Variants in SLC2A14 observed in about 807,000 individuals in gnomAD.
The protein encoded by SLC2A14 is solute carrier family 2 member 14, also known as solute carrier family 2, facilitated glucose transporter member 14.
Under a neutral mutation model 43.0 loss-of-function variants are expected in SLC2A14, and 13 were observed. The ratio of observed to expected loss-of-function variants is 0.30; its 90% CI spans 0.20 to 0.48. The LOEUF (loss-of-function observed/expected upper bound fraction) is 0.48. Among genes scored for constraint, SLC2A14 ranks in the 20% least tolerant of loss-of-function variants. The probability of loss-of-function intolerance (pLI) is 0.99; values close to 1 mark genes in which losing one functional copy is unlikely to be tolerated. For synonymous variants in SLC2A14, 190 were observed against 233.8 expected, an observed-to-expected ratio of 0.81 and a Z score of 1.71; for missense variants, 428 against 620.4, an observed-to-expected ratio of 0.69 and a Z score of 3.29.
intron 1 of SLC2A14, 195 bp downstream of exon 1, chr12:7,872,612 A>G: frequency 3.2e-6 from 1 of 313,002 alleles, no homozygotes; most frequent in Non-Finnish European, 4.7e-6. Flanking sequence ...CCCAGGACAT[A>G]GTAGGTGCTC....
chr12:7,882,712 C>T (rs972352081), intron 1 of SLC2A14, among the ~76,000 whole-genome samples: 9 of 151,934 alleles, frequency 5.9e-5, no homozygotes, highest in African/African-American at 7.3e-5. Flanking sequence ...TGGCGCACGC[C>T]TGTAATCCCA....
chr12:7,830,292 C>T (rs1363183841), intron 4 of SLC2A14, among the ~76,000 whole-genome samples: 4 of 151,996 alleles, frequency 2.6e-5, no homozygotes, highest in Non-Finnish European at 5.9e-5. Flanking sequence ...GCTGGGATAA[C>T]AGGCGCCTGC....
chr12:7,855,122 A>G (rs1435701057), intron 2 of SLC2A14, among the ~76,000 whole-genome samples: 1 of 151,824 alleles, frequency 6.6e-6, no homozygotes, highest in Non-Finnish European at 1.5e-5. Flanking sequence ...ATCGCACTTT[A>G]TATATAGCTT....
intron 4 of SLC2A14, 22 bp from the exon 5 acceptor site, chr12:7,830,028 A>T (rs1174362493): frequency 3.1e-6 from 5 of 1,613,244 alleles, no homozygotes; most frequent in Non-Finnish European, 4.2e-6. Flanking sequence ...ATCAAAGACA[A>T]CATGGAATTA....
intron 2 of SLC2A14, among the ~76,000 whole-genome samples, chr12:7,845,778 C>CAAAAA (rs35933580): frequency 9.6e-6 from 1 of 104,144 alleles, no homozygotes; most frequent in Non-Finnish European, 1.8e-5. Flanking sequence ...GACTCCATCT[C>CAAAAA]AAAAAAAAAA....
intron 4 of SLC2A14, among the ~76,000 whole-genome samples, chr12:7,830,476 G>T (rs997730910): frequency 2.0e-5 from 3 of 151,980 alleles, no homozygotes; most frequent in Non-Finnish European, 4.4e-5. Flanking sequence ...TTATCAGAAC[G>T]TTTCTAGTTG....
chr12:7,820,915 C>T (rs936743977), intron 8 of SLC2A14, among the ~76,000 whole-genome samples: 8 of 151,544 alleles, frequency 5.3e-5, no homozygotes, highest in African/African-American at 7.3e-5. Context: ...GGCGAAACCC[C>T]GTCTCTACTA....
intron 1 of SLC2A14, among the ~76,000 whole-genome samples, chr12:7,883,590 CTTTTTT>C (rs1204450230): frequency 0.11 from 10,841 of 94,500 alleles, 363 homozygotes; most frequent in East Asian, 0.17. Flanking sequence ...TTTTTCTTTT[CTTTTTT>C]TTTTTTTTTT....
rs568044260 is a variant in SLC2A14 at position 7,855,860 on chromosome 12, C to T, written c.18+14003G>A. On this transcript the variant is annotated intron_variant, in intron 2 of 10. Coordinates refer to ENST00000431042, the MANE Select transcript of SLC2A14 (RefSeq NM_001286234.2). ...CCATGTTAGCCAGGATGGTCTTGAT[C>T]TCCTGACCTCGTGATCTGCCCGCCT... Among the ~76,000 whole-genome samples, 248 of 152,086 alleles carry T rather than the reference C, an allele frequency of 1.6e-3. 1 individual carries two copies. The highest frequency in any genetic ancestry group is 2.5e-3 in the Non-Finnish European group (173 of 67,978).
chr12:7,880,167 G>A (rs1460732283), intron 1 of SLC2A14, among the ~76,000 whole-genome samples: 1 of 151,816 alleles, frequency 6.6e-6, no homozygotes, highest in African/African-American at 2.4e-5. Flanking sequence ...CAGGTGTAGT[G>A]GAGCGTGCCT....
intron 7 of SLC2A14, among the ~76,000 whole-genome samples, chr12:7,826,854 C>CTTCCTTCCTTCCTTCCTTCCT (rs1555121685): frequency 2.4e-4 from 2 of 8,234 alleles, no homozygotes; most frequent in Non-Finnish European, 9.5e-4. Flanking sequence ...TCCTTCCTTC[C>CTTCCTTCCTTCCTTCCTTCCT]TTTCTTTTTT....
chr12:7,861,037 C>T (rs1340322463), intron 2 of SLC2A14, among the ~76,000 whole-genome samples: 1 of 152,098 alleles, frequency 6.6e-6, no homozygotes, highest in African/African-American at 2.4e-5. Context: ...AGTGATCCAC[C>T]CACCTCGGTC....
At chr12:7,848,272 C>T (rs145298952) in intron 2 of SLC2A14, among the ~76,000 whole-genome samples, 4 of 152,142 alleles carry the variant, frequency 2.6e-5, no homozygotes, top group African/African-American at 9.6e-5. Context: ...AGAAAGGAAC[C>T]TCCCTAGGAC....
chr12:7,839,635 G>A (rs1423673189), intron 2 of SLC2A14: 1 of 275,242 alleles, frequency 3.6e-6, no homozygotes, highest in Non-Finnish European at 7.3e-6. Context: ...GCTGAAGGAG[G>A]GTGCTGTGGT....
Position 7,837,268 on chromosome 12 carries a change from TTTTA to T in SLC2A14, c.19-4458_19-4455del, listed in dbSNP as rs148673453. Among the ~76,000 whole-genome samples, 1,313 of 152,296 alleles carry T rather than the reference TTTTA, an allele frequency of 8.6e-3. 31 individuals carry two copies. The highest frequency in any genetic ancestry group is 0.072 in the South Asian group (347 of 4,822). On this transcript the variant is annotated intron_variant, in intron 2 of 10. Transcript: ENST00000431042. ...GTGCACATACTTTAAATGTATACAA[TTTTA>T]TTTGTCAATTATACTTCAGTGAAGC...
In SLC2A14 at chr12:7,832,811, T is replaced by C. The variant is rs1344709706; in HGVS notation, c.22A>G (p.Thr8Ala). The change falls in exon 3 of 11, where the codon ACC becomes GCC. Residue 8 changes from threonine to alanine, a missense_variant. Physicochemically the swap from Thr to Ala is moderately conservative, Grantham distance 58. Coordinates refer to ENST00000431042, the MANE Select transcript of SLC2A14 (RefSeq NM_001286234.2). Reference sequence around the variant, plus strand: ...GTGATGGCAAAGATCAGAGCTGGGGTGACCTGGAGAGACAGAGGACAGGGA... The same window carrying C: ...GTGATGGCAAAGATCAGAGCTGGGGCGACCTGGAGAGACAGAGGACAGGGA... MDNRQNVTPALIFAITVA... is the reference protein window; with the variant it reads MDNRQNVAPALIFAITVA... 6.2e-7 allele frequency: 1 copy of C among 1,613,940 alleles called. No individual in the cohort carries two copies. The highest frequency in any genetic ancestry group is 8.5e-7 in the Non-Finnish European group (1 of 1,179,980).
chr12:7,845,705 G>A (rs2120894589), intron 2 of SLC2A14, among the ~76,000 whole-genome samples: 1 of 150,966 alleles, frequency 6.6e-6, no homozygotes, highest in East Asian at 1.9e-4. Context: ...CATGAACCCG[G>A]GAGGCAGAGC....
chr12:7,879,192 T>C (rs180973412), intron 1 of SLC2A14, among the ~76,000 whole-genome samples: 1 of 151,810 alleles, frequency 6.6e-6, no homozygotes, highest in East Asian at 1.9e-4. Context: ...CCTTAGCTTT[T>C]ACTTTTCTTG....
intron 1 of SLC2A14, among the ~76,000 whole-genome samples, chr12:7,882,032 A>C (rs1207535034): frequency 2.6e-5 from 4 of 152,078 alleles, no homozygotes; most frequent in Non-Finnish European, 2.9e-5. Context: ...TAAGAGAATA[A>C]AAGCAGGCTG....
Sources: allele counts gnomAD v4.1 joint callset (sites outside exome capture counted in the v4.1 genomes callset), GRCh38; gene constraint gnomAD v4.1.1; transcripts MANE v1.5; gene names NCBI Gene and HGNC (gene_info 2026-07-23, HGNC 2026-07-21).